PLEKHG4: variants seen among roughly 807,000 people sequenced by gnomAD.
PLEKHG4 encodes the protein puratrophin-1.
A neutral mutation model predicts 136.9 loss-of-function variants in PLEKHG4; 85 were observed. That is an observed-to-expected ratio of 0.62 (90% CI 0.52 to 0.74). The LOEUF (loss-of-function observed/expected upper bound fraction) is 0.74, where lower values mean the gene tolerates loss of function less well. Ranked by LOEUF, PLEKHG4 falls within the 30% of genes least tolerant of loss-of-function variation. PLEKHG4 has a pLI of 0.00. For synonymous variants in PLEKHG4, 577 were observed against 646.9 expected (o/e 0.89, Z 1.64); for missense variants, 1,317 against 1,527.8 (o/e 0.86, Z 2.30).
At position 67,279,876 on chromosome 16, in the gene PLEKHG4, G is replaced by A; in HGVS notation, c.-169G>A. 1 of 654,070 alleles carries A rather than the reference G, an allele frequency of 1.5e-6. No individual in the cohort carries two copies. Among genetic ancestry groups the A allele is most frequent in the Non-Finnish European group, 2.6e-6 (1 of 381,728 alleles). 40.5% of individuals were successfully genotyped at this position (654,070 alleles called of 1,614,324 possible). A position where few individuals can be genotyped will look rare whatever the true frequency, so the allele number is the denominator to read the frequency against. Reference sequence around the variant, plus strand: ...CCTTAACGTTATTCCCTCTTCCCAGGCCTGAATTGCAGTTCCTGTGCCCTG... The same window carrying A: ...CCTTAACGTTATTCCCTCTTCCCAGACCTGAATTGCAGTTCCTGTGCCCTG... On this transcript the variant is annotated splice_region_variant and 5_prime_UTR_variant, in exon 2 of 22. Transcript: ENST00000379344.
At position 67,282,065 on chromosome 16, in the gene PLEKHG4, C is replaced by T. The variant is rs547553490; in HGVS notation, c.1062C>T (p.Ala354=). The T allele has an allele frequency of 3.1e-6, 5 of 1,613,618 alleles. No individual in the cohort carries two copies. The Admixed American group carries it at 6.7e-5, about 22-fold the overall frequency. ...CAGCTTGTGCCCTGCTCCAGGGGGC[C>T]ATCGAAAGTGTGAAGGCTGTGCCCC... ...CQAACALLQG[A]IESVKAVPQP... Residue 354 remains alanine (A), a synonymous_variant, in exon 8 of 22, where the codon GCC becomes GCT. Transcript: ENST00000379344.
At chr16:67,287,304 A>C in intron 18 of PLEKHG4, 127 bp downstream of exon 18, 1 of 948,656 alleles carries the variant, frequency 1.1e-6, no homozygotes, top group East Asian at 2.6e-5. Context: ...CCACCAGTGC[A>C]GGAGAAAGGA....
Position 67,282,288 on chromosome 16 carries a change from G to A in PLEKHG4, c.1192G>A (p.Gly398Ser), listed in dbSNP as rs2036268793. The change falls in exon 9 of 22, where the codon GGC becomes AGC. Residue 398 changes from glycine to serine, a missense_variant. Gly to Ser is a moderately conservative substitution (Grantham distance 56). Coordinates refer to ENST00000379344, the MANE Select transcript of PLEKHG4 (RefSeq NM_001129729.3). ...PWLAWLQCQG[G>S]RELTWLKQEV... ...GCTGGCATGGCTACAATGCCAGGGG[G>A]GCCGGGAGCTGACATGGCTGAAGCA... 6.2e-7 allele frequency: 1 copy of A among 1,613,230 alleles called. No individual in the cohort carries two copies. Among genetic ancestry groups the A allele is most frequent in the Non-Finnish European group, 8.5e-7 (1 of 1,180,010 alleles).
In PLEKHG4 at chr16:67,281,582, G is replaced by C. The variant is rs749923334; in HGVS notation, c.829G>C (p.Ala277Pro). 14 of 1,613,576 alleles carry C rather than the reference G, an allele frequency of 8.7e-6. No individual in the cohort carries two copies. The highest frequency in any genetic ancestry group is 1.2e-5 in the Non-Finnish European group (14 of 1,179,822). Residue 277 changes from alanine to proline, a missense_variant, in exon 6 of 22, where the codon GCC becomes CCC. Physicochemically the swap from Ala to Pro is conservative, Grantham distance 27. Coordinates refer to ENST00000379344, the MANE Select transcript of PLEKHG4 (RefSeq NM_001129729.3). ...LSQLQEAAPGAVYQVLLVGST... is the reference protein window; with the variant it reads ...LSQLQEAAPGPVYQVLLVGST... ...TTCCTTGCAGGAAGCAGCCCCAGGG[G>C]CCGTGTACCAGGTGCTGCTAGTGGG... is the stretch of plus-strand genomic sequence containing the variant.
rs779253342 is a variant in PLEKHG4, at chr16:67,286,840, T to C, written c.2846T>C (p.Phe949Ser). Residue 949 changes from phenylalanine (F) to serine (S), a missense_variant, in exon 17 of 22, where the codon TTT becomes TCT. By Grantham distance (155) the Phe-to-Ser change is radical (BLOSUM62 -2). Coordinates refer to ENST00000379344, the MANE Select transcript of PLEKHG4 (RefSeq NM_001129729.3). ...RHKSVRRIFL[F>S]EELLLFSKPR... ...AAGTCCGTGCGCCGCATCTTCCTTT[T>C]TGAGGAGCTGCTGCTCTTCAGCAAG... The C allele has an allele frequency of 1.2e-6, 2 of 1,614,166 alleles. No individual in the cohort carries two copies. The highest frequency in any genetic ancestry group is 2.2e-5 in the East Asian group (1 of 44,882).
At position 67,282,110 on chromosome 16, in the gene PLEKHG4, G is replaced by A. The variant is rs1456319392; in HGVS notation, c.1104+3G>A. ...TGCCCCAGCCCATGGAGCCTGGGGT[G>A]AGTGTCCCCTCCCAGTCCCTCCATG... On this transcript the variant is annotated splice_donor_region_variant and intron_variant, in intron 8 of 21. Transcript: ENST00000379344. 6.2e-7 allele frequency: 1 copy of A among 1,612,742 alleles called. No homozygotes were observed. The highest frequency in any genetic ancestry group is 1.3e-5 in the African/African-American group (1 of 74,844).
chr16:67,279,410 G>C (rs2036103372), upstream of PLEKHG4: 1 of 151,830 alleles, frequency 6.6e-6, no homozygotes, highest in African/African-American at 2.4e-5. Flanking sequence ...CGGCAGGGCT[G>C]TGCCCCGTCG....
Position 67,280,373 on chromosome 16 carries a change from C to T in PLEKHG4, c.329C>T (p.Ser110Phe). 6.2e-7 allele frequency: 1 copy of T among 1,612,524 alleles called. No individual in the cohort carries two copies. The highest frequency in any genetic ancestry group is 1.1e-5 in the South Asian group (1 of 91,020). Residue 110 changes from serine (S) to phenylalanine (F), a missense_variant, in exon 2 of 22, where the codon TCC (serine) becomes TTC (phenylalanine). Coordinates refer to ENST00000379344, the MANE Select transcript of PLEKHG4 (RefSeq NM_001129729.3). This position sits in a 1 kb window ranked among gnomAD's most constrained non-coding sequence, Gnocchi z 4.4. ...SGVESLLCPMSSHLSLAQGES... is the reference protein window; with the variant it reads ...SGVESLLCPMFSHLSLAQGES... ...GTGGAGAGTCTCCTATGCCCCATGT[C>T]CTCCCACCTCAGCTTGGCACAGGGT... is the stretch of plus-strand genomic sequence containing the variant.
Position 67,280,921 on chromosome 16 carries a change from G to T in PLEKHG4, c.635G>T (p.Cys212Phe). Residue 212 changes from cysteine (C) to phenylalanine (F), a missense_variant, in exon 4 of 22, where the codon TGT becomes TTT. Transcript: ENST00000379344. The surrounding 1 kb of genome is among the most constrained non-coding windows in gnomAD (Gnocchi z 4.4). ...CAAGGCCGGGCAGTGCTGCTTCTGT[G>T]TGCCCACAGCCCAGCCTGGCTTCAG... ...DVQGRAVLLL[C>F]AHSPAWLQSE... is the part of the protein sequence containing the mutation. The T allele has an allele frequency of 6.2e-7, 1 of 1,613,066 alleles. No homozygotes were observed. Among genetic ancestry groups the T allele is most frequent in the Non-Finnish European group, 8.5e-7 (1 of 1,180,020 alleles).
rs1164323640 is a variant in PLEKHG4 at position 67,288,365 on chromosome 16, AGGCTGAG to A, written c.3421_3427del (p.Ala1141GlnfsTer9). The stretch of plus-strand genomic sequence containing the variant: ...AGCTTCCCAGAGGAAGCAGCACTGG[AGGCTGAG>A]GCAGAGCTGGGCGGCCAGCCCTCTT... On this transcript the variant is annotated frameshift_variant, in exon 20 of 22. Coordinates refer to ENST00000379344, the MANE Select transcript of PLEKHG4 (RefSeq NM_001129729.3). LOFTEE classifies it high-confidence loss of function. 6.2e-7 allele frequency: 1 copy of A among 1,611,720 alleles called. No individual in the cohort carries two copies. The highest frequency in any genetic ancestry group is 1.1e-5 in the South Asian group (1 of 91,084).
In PLEKHG4 at chr16:67,286,595, C is replaced by G. The variant is rs758876102; in HGVS notation, c.2683C>G (p.Gln895Glu). 1.9e-6 allele frequency: 3 copies of G among 1,560,336 alleles called. No homozygotes were observed. Among genetic ancestry groups the G allele is most frequent in the African/African-American group, 1.4e-5 (1 of 73,410 alleles). Residue 895 changes from glutamine (Q) to glutamate (E), a missense_variant, in exon 16 of 22, where the codon CAG becomes GAG. By Grantham distance (29) the Gln-to-Glu change is conservative (BLOSUM62 2). Transcript: ENST00000379344. ...TQELSALREA[Q>E]SLVHFQLRHG... The stretch of plus-strand genomic sequence containing the variant: ...GGAGCTCAGTGCGCTGCGGGAGGCC[C>G]AGAGCCTTGTGCACTTCCAGCTGCG...
At chr16:67,281,945 G>A (rs1478379508) in intron 7 of PLEKHG4, 64 bp from the exon 8 acceptor site, 1 of 1,552,554 alleles carries the variant, frequency 6.4e-7, no homozygotes, top group Non-Finnish European at 8.9e-7. Flanking sequence ...GCAGTGGCCT[G>A]GAACCCAGGA....
At chr16:67,281,284 C>T (rs905779924) in intron 5 of PLEKHG4, 100 bp downstream of exon 5, 51 of 925,964 alleles carry the variant, frequency 5.5e-5, no homozygotes, top group Middle Eastern at 2.5e-4. Flanking sequence ...AGTGCAGTGG[C>T]GCAATCTTGG....
Position 67,280,585 on chromosome 16 carries a change from G to A in PLEKHG4, c.499+42G>A, listed in dbSNP as rs775042594. On this transcript the variant is annotated intron_variant, in intron 2 of 21. Coordinates refer to ENST00000379344, the MANE Select transcript of PLEKHG4 (RefSeq NM_001129729.3). The surrounding 1 kb of genome is among the most constrained non-coding windows in gnomAD (Gnocchi z 4.4). ...TAGGGAAGTCTGGGAAGGGAATGGG[G>A]ATGCCTGGAGAGATGAGTGTCAAGA... 2 of 1,612,976 alleles carry A rather than the reference G, an allele frequency of 1.2e-6. No homozygotes were observed. Among genetic ancestry groups the A allele is most frequent in the South Asian group, 2.2e-5 (2 of 91,052 alleles).
chr16:67,284,813 A>G lies in PLEKHG4; in HGVS notation c.1793A>G (p.His598Arg). Residue 598 changes from histidine to arginine, a missense_variant, in exon 13 of 22, where the codon CAC (histidine) becomes CGC (arginine). Coordinates refer to ENST00000379344, the MANE Select transcript of PLEKHG4 (RefSeq NM_001129729.3). The surrounding 1 kb of genome is among the most constrained non-coding windows in gnomAD (Gnocchi z 4.4). ...CAGCTGCAGCTGCACTGGACCAGGC[A>G]CCCTGACTTGCCTCCTGCCCACTTC... ...LQQLQLHWTR[H>R]PDLPPAHFRK... is the part of the protein sequence containing the mutation. The G allele has an allele frequency of 6.2e-7, 1 of 1,613,588 alleles. No homozygotes were observed.
Position 67,280,816 on chromosome 16 carries a change from C to A in PLEKHG4, c.595+10C>A, listed in dbSNP as rs376153070. On this transcript the variant is annotated intron_variant, in intron 3 of 21. Transcript: ENST00000379344. This position sits in a 1 kb window ranked among gnomAD's most constrained non-coding sequence, Gnocchi z 4.4. ...ATGGCCACCTTGCCAGGTAGCCAGGCGGGCCTAGAGGCGGTGGAGGTGGAG... is the reference window on the plus strand; with the variant it reads ...ATGGCCACCTTGCCAGGTAGCCAGGAGGGCCTAGAGGCGGTGGAGGTGGAG... 1.9e-6 allele frequency: 3 copies of A among 1,613,820 alleles called. No homozygotes were observed. The highest frequency in any genetic ancestry group is 1.3e-5 in the African/African-American group (1 of 74,920).
rs771118759 is a variant in PLEKHG4, at chr16:67,282,029, G to T, written c.1026G>T (p.Gln342His). ...TACAGCGGCTGGAAGCTCTACTACAGAACTGCCAGGCAGCTTGTGCCCTGC... is the reference window on the plus strand; with the variant it reads ...TACAGCGGCTGGAAGCTCTACTACATAACTGCCAGGCAGCTTGTGCCCTGC... Reference protein sequence around the residue: ...DFRRRLEALLQNCQAACALLQ... With the variant: ...DFRRRLEALLHNCQAACALLQ... Residue 342 changes from glutamine to histidine, a missense_variant, in exon 8 of 22, where the codon CAG becomes CAT. Coordinates refer to ENST00000379344, the MANE Select transcript of PLEKHG4 (RefSeq NM_001129729.3). 3.1e-6 allele frequency: 5 copies of T among 1,613,388 alleles called. No homozygotes were observed. Among genetic ancestry groups the T allele is most frequent in the Non-Finnish European group, 4.2e-6 (5 of 1,179,980 alleles).
chr16:67,287,752 A>G, intron 18 of PLEKHG4, 146 bp from the exon 19 acceptor site: 1 of 713,880 alleles, frequency 1.4e-6, no homozygotes, highest in Non-Finnish European at 2.6e-6. Flanking sequence ...TTGGGAGGAG[A>G]GCACCTGGCA....
At position 67,288,606 on chromosome 16, in the gene PLEKHG4, T is replaced by G; in HGVS notation, c.3570+2T>G. On this transcript the variant is annotated splice_donor_variant, in intron 21 of 21. Coordinates refer to ENST00000379344, the MANE Select transcript of PLEKHG4 (RefSeq NM_001129729.3). LOFTEE classifies it high-confidence loss of function. ...AGGGGCCTGGAGGACTTACCCTGTG[T>G]GAGTGCCATTTGCCCTATACCCACC... is the stretch of plus-strand genomic sequence containing the variant. 6.2e-7 allele frequency: 1 copy of G among 1,614,082 alleles called. No homozygotes were observed. The highest frequency in any genetic ancestry group is 8.5e-7 in the Non-Finnish European group (1 of 1,179,944).
Sources: allele counts gnomAD v4.1 joint callset, GRCh38; gene constraint gnomAD v4.1.1; non-coding constraint Gnocchi (gnomAD v3.1); transcripts MANE v1.5; gene names NCBI Gene and HGNC (gene_info 2026-07-23, HGNC 2026-07-21).